PTPRB: variants seen among roughly 807,000 people sequenced by gnomAD.
The protein encoded by PTPRB is receptor-type tyrosine-protein phosphatase beta.
A neutral mutation model predicts 238.1 loss-of-function variants in PTPRB; 97 were observed. The ratio of observed to expected loss-of-function variants is 0.41; its 90% CI spans 0.35 to 0.48. The LOEUF is 0.48. Among genes scored for constraint, PTPRB ranks in the 20% least tolerant of loss-of-function variants. PTPRB has a pLI of 0.30. For synonymous variants in PTPRB, 970 were observed against 995.4 expected (o/e 0.97, Z 0.48); for missense variants, 2,292 against 2,681.9 (o/e 0.85, Z 3.21).
chr12:70,592,605 C>T, intron 6 of PTPRB, 60 bp from the exon 7 acceptor site: 3 of 1,528,168 alleles, frequency 2.0e-6, no homozygotes, highest in Non-Finnish European at 2.6e-6. Flanking sequence ...GTCCTATGGC[C>T]AAATTTTGAC....
rs1371173496 is a variant in PTPRB at position 70,517,386 on chromosome 12, T to C, written c.*4103A>G. ...TTCTGTTTTGCAAATATTTTCTCTT[T>C]GCATCATTTCACTTGCTTTTTGCAG... is the stretch of plus-strand genomic sequence containing the variant. On this transcript the variant is annotated 3_prime_UTR_variant, in exon 34 of 34. Coordinates refer to ENST00000334414, the MANE Select transcript of PTPRB (RefSeq NM_001109754.4). 2.0e-5 allele frequency: 3 copies of C among 152,226 alleles called. No homozygotes were observed. The highest frequency in any genetic ancestry group is 4.4e-5 in the Non-Finnish European group (3 of 68,026). 9.4% of individuals were successfully genotyped at this position (152,226 alleles called of 1,614,324 possible).
At chr12:70,589,329 T>C (rs1296778691) in intron 8 of PTPRB, among the ~76,000 whole-genome samples, 4 of 152,248 alleles carry the variant, frequency 2.6e-5, no homozygotes, top group African/African-American at 9.6e-5. Context: ...AATTTCACTC[T>C]AAATATGGAG....
chr12:70,532,702 C>T (rs918819770), intron 31 of PTPRB, among the ~76,000 whole-genome samples: 1 of 151,958 alleles, frequency 6.6e-6, no homozygotes, highest in African/African-American at 2.4e-5. Context: ...AGTGCAGTGG[C>T]ACAAGCATAG....
chr12:70,608,061 G>A (rs1422730696), intron 4 of PTPRB, among the ~76,000 whole-genome samples: 1 of 152,126 alleles, frequency 6.6e-6, no homozygotes, highest in East Asian at 1.9e-4. Context: ...TGCCTTTAGA[G>A]CTGAAAGTTC....
intron 32 of PTPRB, 78 bp from the exon 33 acceptor site, chr12:70,524,669 CAAT>C (rs772850698): frequency 2.4e-4 from 350 of 1,432,144 alleles, no homozygotes; most frequent in Non-Finnish European, 3.0e-4. Context: ...AAACTGTTGA[CAAT>C]GATGGGATTA....
chr12:70,524,361 T>G (rs1025407), intron 33 of PTPRB, 110 bp downstream of exon 33: 395,211 of 1,205,120 alleles, frequency 0.33, 67,117 homozygotes, highest in East Asian at 0.51. Context: ...GTGATCCTCC[T>G]GCCTCAGCCT....
At chr12:70,582,242 T>A (rs1454177238) in intron 9 of PTPRB, among the ~76,000 whole-genome samples, 1 of 152,102 alleles carries the variant, frequency 6.6e-6, no homozygotes, top group Non-Finnish European at 1.5e-5. Flanking sequence ...CAAAGTTCAT[T>A]GACTTCTGGA....
chr12:70,595,993 G>A (rs1882973126), intron 5 of PTPRB, 56 bp downstream of exon 5: 1 of 1,382,414 alleles, frequency 7.2e-7, no homozygotes, highest in African/African-American at 1.5e-5. Context: ...CTTGAATAAA[G>A]TATAACTTGA....
chr12:70,587,086 C>T lies in PTPRB; in HGVS notation c.2232G>A (p.Val744=), dbSNP rs1295962171. 1 of 1,613,784 alleles carries T rather than the reference C, an allele frequency of 6.2e-7. No homozygotes were observed. The highest frequency in any genetic ancestry group is 2.2e-5 in the East Asian group (1 of 44,898). The change falls in exon 9 of 34, where the codon GTG becomes GTA. Residue 744 remains valine (V), a synonymous_variant. Transcript: ENST00000334414. ...DAKEFTFTDL[V]PGRKYMATVT... The stretch of plus-strand genomic sequence containing the variant: ...CTGTAGCCATGTATTTTCGTCCAGG[C>T]ACCAGGTCAGTAAAAGTGAATTCTT...
intron 20 of PTPRB, 120 bp downstream of exon 20, chr12:70,555,040 T>G: frequency 8.4e-7 from 1 of 1,191,198 alleles, no homozygotes; most frequent in Non-Finnish European, 1.2e-6. Flanking sequence ...GAGGGGTGAA[T>G]GATACAAAAA....
intron 14 of PTPRB, 23 bp from the exon 15 acceptor site, chr12:70,566,727 A>G: frequency 6.2e-7 from 1 of 1,604,446 alleles, no homozygotes; most frequent in Non-Finnish European, 8.5e-7. Flanking sequence ...AAGTGGAGCA[A>G]CAAAATACAG....
At chr12:70,573,505 C>CTTTTTTT (rs937307862) in intron 11 of PTPRB, among the ~76,000 whole-genome samples, 151 of 90,774 alleles carry the variant, frequency 1.7e-3, no homozygotes, top group African/African-American at 2.5e-3. Context: ...CTTTTCTTTT[C>CTTTTTTT]TTTTTTTTTT....
rs1287081313 is a variant in PTPRB, at chr12:70,517,403, T to A, written c.*4086A>T. The A allele has an allele frequency of 6.6e-6, 1 of 152,250 alleles. No individual in the cohort carries two copies. The highest frequency in any genetic ancestry group is 1.9e-4 in the East Asian group (1 of 5,204). The allele number at this position is 152,250 out of a possible 1,614,324, so 9.4% of individuals were successfully genotyped here. On this transcript the variant is annotated 3_prime_UTR_variant, in exon 34 of 34. Coordinates refer to ENST00000334414, the MANE Select transcript of PTPRB (RefSeq NM_001109754.4). ...TTTCTCTTTGCATCATTTCACTTGC[T>A]TTTTGCAGTCATCGTTTACAGATTT...
intron 3 of PTPRB, among the ~76,000 whole-genome samples, chr12:70,621,913 G>A (rs1169339945): frequency 2.0e-5 from 3 of 152,192 alleles, no homozygotes; most frequent in African/African-American, 7.2e-5. Flanking sequence ...GTGGTTCAAG[G>A]GTATTGATGT....
Position 70,540,909 on chromosome 12 carries a change from A to T in PTPRB, c.5543T>A (p.Ile1848Asn). 6.2e-7 allele frequency: 1 copy of T among 1,607,532 alleles called. No homozygotes were observed. Among genetic ancestry groups the T allele is most frequent in the Non-Finnish European group, 8.5e-7 (1 of 1,177,004 alleles). The change falls in exon 23 of 34, where the codon ATT becomes AAT. Residue 1848 changes from isoleucine (I) to asparagine (N), a missense_variant. Coordinates refer to ENST00000334414, the MANE Select transcript of PTPRB (RefSeq NM_001109754.4). ...IEGVSAGLFL[I>N]GMLVAVVALL... The stretch of plus-strand genomic sequence containing the variant: ...GGCAACAACAGCCACTAGCATGCCA[A>T]TTAAAAACAGACCAGCACTCACACC...
In PTPRB at chr12:70,556,208, C is replaced by A. The variant is rs1213006286; in HGVS notation, c.4715-60G>T. 3.9e-6 allele frequency: 5 copies of A among 1,279,524 alleles called. No individual in the cohort carries two copies. In the African/African-American group the frequency reaches 4.5e-5, roughly 12 times the overall value. 79.3% of individuals were successfully genotyped at this position (1,279,524 alleles called of 1,614,324 possible). Reference sequence around the variant, plus strand: ...CTCAGGGAGAATTTTTTTTTTTCAGCTCCTTTGGGTCCAACTAGCTCTGAG... The same window carrying A: ...CTCAGGGAGAATTTTTTTTTTTCAGATCCTTTGGGTCCAACTAGCTCTGAG... On this transcript the variant is annotated intron_variant, in intron 18 of 33. Transcript: ENST00000334414.
intron 8 of PTPRB, among the ~76,000 whole-genome samples, chr12:70,588,569 G>T (rs1486899019): frequency 6.6e-6 from 1 of 152,110 alleles, no homozygotes; most frequent in East Asian, 1.9e-4. Context: ...GGAGGCAGAG[G>T]TTGCAGCGAG....
intron 32 of PTPRB, among the ~76,000 whole-genome samples, chr12:70,528,375 G>GAGTC (rs530387282): frequency 1.6e-3 from 246 of 152,226 alleles, no homozygotes; most frequent in African/African-American, 5.0e-3. Flanking sequence ...GGAGCTGGCA[G>GAGTC]AGTCAGCAAG....
At chr12:70,566,934 T>G (rs975064890) in intron 14 of PTPRB, among the ~76,000 whole-genome samples, 1 of 152,154 alleles carries the variant, frequency 6.6e-6, no homozygotes, top group African/African-American at 2.4e-5. Flanking sequence ...TGATTTTAAA[T>G]AGGATCTCAG....
Sources: allele counts gnomAD v4.1 joint callset (sites outside exome capture counted in the v4.1 genomes callset), GRCh38; gene constraint gnomAD v4.1.1; transcripts MANE v1.5; gene names NCBI Gene and HGNC (gene_info 2026-07-23, HGNC 2026-07-21).